TAFA1: variants seen among roughly 807,000 people sequenced by gnomAD.
TAFA1 encodes chemokine-like protein TAFA-1.
A neutral mutation model predicts 18.5 loss-of-function variants in TAFA1; 4 were observed. The ratio of observed to expected loss-of-function variants is 0.22; its 90% CI spans 0.11 to 0.49. The LOEUF (loss-of-function observed/expected upper bound fraction) is 0.49. Among genes scored for constraint, TAFA1 ranks in the 20% least tolerant of loss-of-function variants. The pLI is 0.98. For synonymous variants in TAFA1, 56 were observed against 55.2 expected (o/e 1.01, Z -0.06); for missense variants, 147 against 169.0 (o/e 0.87, Z 0.72).
intron 3 of TAFA1, among the ~76,000 whole-genome samples, chr3:68,424,697 T>C (rs1330244471): frequency 8.9e-6 from 1 of 112,730 alleles, no homozygotes; most frequent in African/African-American, 2.6e-5. Context: ...TTTCATAGGA[T>C]AACATGAGAT....
intron 3 of TAFA1, among the ~76,000 whole-genome samples, chr3:68,438,878 C>T (rs1030153407): frequency 2.6e-5 from 4 of 152,098 alleles, no homozygotes; most frequent in African/African-American, 7.2e-5. Flanking sequence ...CCACACATTG[C>T]TGTACCAGGG....
At chr3:68,190,867 A>G (rs747324842) in intron 2 of TAFA1, among the ~76,000 whole-genome samples, 38 of 151,822 alleles carry the variant, frequency 2.5e-4, no homozygotes, top group Non-Finnish European at 3.8e-4. Context: ...TGAACTTCCA[A>G]TGAGACTAGA....
At chr3:68,109,137 T>A (rs2065236185) in intron 2 of TAFA1, among the ~76,000 whole-genome samples, 1 of 152,072 alleles carries the variant, frequency 6.6e-6, no homozygotes, top group African/African-American at 2.4e-5. Flanking sequence ...CTTGCTTCTG[T>A]GACAGTCCCT....
At chr3:68,173,803 T>C (rs989966299) in intron 2 of TAFA1, among the ~76,000 whole-genome samples, 18 of 152,194 alleles carry the variant, frequency 1.2e-4, no homozygotes, top group Admixed American at 8.5e-4. Context: ...CCCTTCATTT[T>C]TAAAGTCATT....
chr3:68,086,003 G>A (rs2106786847), intron 2 of TAFA1, among the ~76,000 whole-genome samples: 1 of 152,324 alleles, frequency 6.6e-6, no homozygotes, highest in South Asian at 2.1e-4. Context: ...AACATCTGAT[G>A]CTTGATGAGC....
At chr3:68,417,588 G>A in intron 3 of TAFA1, 168 bp downstream of exon 3, 1 of 652,392 alleles carries the variant, frequency 1.5e-6, no homozygotes, top group East Asian at 2.8e-5. Flanking sequence ...TTTTTCTCTG[G>A]TGCTATTATT....
chr3:68,498,046 C>T (rs1029308183), intron 3 of TAFA1, among the ~76,000 whole-genome samples: 1 of 152,146 alleles, frequency 6.6e-6, no homozygotes, highest in African/African-American at 2.4e-5. Context: ...ATACTAAGTA[C>T]ATTCTTTACC....
At chr3:68,384,281 G>C (rs760575749) in intron 2 of TAFA1, among the ~76,000 whole-genome samples, 3 of 151,712 alleles carry the variant, frequency 2.0e-5, no homozygotes, top group Non-Finnish European at 2.9e-5. Flanking sequence ...TTGTTAACTT[G>C]AGATCTTTCT....
chr3:68,342,470 T>C (rs781269486), intron 2 of TAFA1, among the ~76,000 whole-genome samples: 8 of 152,236 alleles, frequency 5.3e-5, no homozygotes, highest in Non-Finnish European at 7.3e-5. Context: ...TTAAGTACCA[T>C]TCAAATACGT....
At chr3:68,539,681 G>GGA (rs1553701728) in intron 4 of TAFA1, among the ~76,000 whole-genome samples, 4 of 21,764 alleles carry the variant, frequency 1.8e-4, no homozygotes, top group Admixed American at 4.7e-4. Context: ...GTGTGTGTGG[G>GGA]GGGGCATGGG....
At chr3:68,403,774 G>A (rs1029533601) in intron 2 of TAFA1, among the ~76,000 whole-genome samples, 3 of 152,168 alleles carry the variant, frequency 2.0e-5, no homozygotes, top group African/African-American at 7.2e-5. Flanking sequence ...TCCTTGATCT[G>A]AAATACCACT....
chr3:67,997,842 AC>A, the TAFA1 span, among the ~76,000 whole-genome samples: 111,834 of 151,850 alleles, frequency 0.74, 42,450 homozygotes, highest in South Asian at 0.87. Context: ...ATTTACTACC[AC>A]AAAAGTAAAA....
chr3:68,023,931 T>G (rs942396232), intron 2 of TAFA1, among the ~76,000 whole-genome samples: 1 of 152,168 alleles, frequency 6.6e-6, no homozygotes, highest in Non-Finnish European at 1.5e-5. Context: ...CTAAGGGTCT[T>G]GCTTGCTTAC....
intron 2 of TAFA1, among the ~76,000 whole-genome samples, chr3:68,344,479 G>A (rs1169260683): frequency 6.6e-6 from 1 of 152,174 alleles, no homozygotes; most frequent in African/African-American, 2.4e-5. Flanking sequence ...TCTCATCAAG[G>A]AATTCCAGAG....
chr3:68,012,241 T>C (rs1039811194), intron 2 of TAFA1, among the ~76,000 whole-genome samples: 2 of 152,188 alleles, frequency 1.3e-5, no homozygotes, highest in Admixed American at 1.3e-4. Context: ...CATTTCCAGG[T>C]GCTTATACTA....
intron 2 of TAFA1, among the ~76,000 whole-genome samples, chr3:68,043,199 T>G (rs1294667043): frequency 6.6e-6 from 1 of 152,182 alleles, no homozygotes; most frequent in Non-Finnish European, 1.5e-5. Flanking sequence ...AGTTTGTATG[T>G]TAACAGAAAG....
chr3:68,333,493 G>A (rs1464669389), intron 2 of TAFA1, among the ~76,000 whole-genome samples: 1 of 151,616 alleles, frequency 6.6e-6, no homozygotes, highest in Non-Finnish European at 1.5e-5. Context: ...AGGGTGGGTG[G>A]AGGGTGATCA....
chr3:68,202,040 C>A (rs945683703), intron 2 of TAFA1, among the ~76,000 whole-genome samples: 3 of 151,674 alleles, frequency 2.0e-5, no homozygotes, highest in Non-Finnish European at 4.4e-5. Context: ...AGCACCAAGT[C>A]AGCCATGAAA....
At chr3:68,041,429 T>C (rs1166970390) in intron 2 of TAFA1, among the ~76,000 whole-genome samples, 1 of 152,254 alleles carries the variant, frequency 6.6e-6, no homozygotes, top group Non-Finnish European at 1.5e-5. Flanking sequence ...ATTATGCCAA[T>C]CATATAGACT....
Sources: allele counts gnomAD v4.1 joint callset (sites outside exome capture counted in the v4.1 genomes callset), GRCh38; gene constraint gnomAD v4.1.1; transcripts MANE v1.5; gene names NCBI Gene and HGNC (gene_info 2026-07-23, HGNC 2026-07-21).